Variants in RBFOX1 observed in about 807,000 individuals in gnomAD.
RBFOX1 encodes RNA binding protein fox-1 homolog 1.
RBFOX1 carries 8 observed loss-of-function variants against 57.7 expected under a neutral mutation model. The observed-to-expected ratio is 0.14, with a 90% CI of 0.08 to 0.25. The LOEUF is 0.25. Among genes scored for constraint, RBFOX1 ranks in the 10% least tolerant of loss-of-function variants. RBFOX1 has a pLI of 1.00. For synonymous variants in RBFOX1, 326 were observed against 222.4 expected, an observed-to-expected ratio of 1.47 and a Z score of -4.15; for missense variants, 611 against 548.5, an observed-to-expected ratio of 1.11 and a Z score of -1.14.
chr16:6,138,031 A>G (rs750646288), intron 1 of RBFOX1, among the ~76,000 whole-genome samples: 7 of 152,206 alleles, frequency 4.6e-5, no homozygotes, highest in Admixed American at 6.5e-5. Context: ...CAACGCTTCA[A>G]TCCTAGGTGG....
At chr16:7,436,441 G>C (rs1205291842) in intron 4 of RBFOX1, among the ~76,000 whole-genome samples, 1 of 152,218 alleles carries the variant, frequency 6.6e-6, no homozygotes, top group African/African-American at 2.4e-5. Flanking sequence ...AATTTGGACA[G>C]TGTCCATCAG....
At chr16:5,978,278 C>T (rs939776954) in intron 4 of RBFOX1, among the ~76,000 whole-genome samples, 2 of 151,798 alleles carry the variant, frequency 1.3e-5, no homozygotes, top group East Asian at 1.9e-4. Flanking sequence ...CACACCACTG[C>T]ACTCCAGCCT....
intron 4 of RBFOX1, among the ~76,000 whole-genome samples, chr16:7,406,128 C>T (rs954730358): frequency 6.6e-6 from 1 of 152,104 alleles, no homozygotes; most frequent in African/African-American, 2.4e-5. Flanking sequence ...CCCGCATTGC[C>T]CAAAACACAG....
chr16:7,572,609 G>A (rs1208195488), intron 5 of RBFOX1, among the ~76,000 whole-genome samples: 1 of 152,184 alleles, frequency 6.6e-6, no homozygotes, highest in Non-Finnish European at 1.5e-5. Flanking sequence ...GGAGGCTGAG[G>A]CGGGCGGATC....
intron 4 of RBFOX1, among the ~76,000 whole-genome samples, chr16:7,300,322 C>G (rs985996462): frequency 6.6e-6 from 1 of 152,030 alleles, no homozygotes. Flanking sequence ...GGAATGAGAT[C>G]AGCACTAACT....
At chr16:6,598,945 TAAAAACAAAAC>T (rs143283927) in intron 2 of RBFOX1, among the ~76,000 whole-genome samples, 10,438 of 126,568 alleles carry the variant, frequency 0.082, 1,215 homozygotes, top group African/African-American at 0.25. Context: ...GACTCCATGT[TAAAAACAAAAC>T]AAAACAAAAC....
At chr16:5,517,933 T>C (rs1567184194) in intron 2 of RBFOX1, among the ~76,000 whole-genome samples, 2 of 144,954 alleles carry the variant, frequency 1.4e-5, no homozygotes, top group East Asian at 4.0e-4. Context: ...AAAGCTACTG[T>C]GTGTGTGTGT....
intron 3 of RBFOX1, among the ~76,000 whole-genome samples, chr16:5,845,926 A>C (rs1203067027): frequency 1.3e-5 from 2 of 152,140 alleles, no homozygotes; most frequent in Non-Finnish European, 2.9e-5. Flanking sequence ...TAATACCTGC[A>C]CTTTGGGAGG....
chr16:5,897,528 G>A (rs1184995584), intron 4 of RBFOX1, among the ~76,000 whole-genome samples: 2 of 152,138 alleles, frequency 1.3e-5, no homozygotes, highest in Non-Finnish European at 2.9e-5. Flanking sequence ...AAGATCACAT[G>A]GGAAAATATA....
intron 4 of RBFOX1, among the ~76,000 whole-genome samples, chr16:7,157,917 T>C (rs2077478582): frequency 6.6e-6 from 1 of 152,362 alleles, no homozygotes; most frequent in Middle Eastern, 3.4e-3. Context: ...TCCGAGGAGC[T>C]GTGTTTGCTT....
chr16:5,792,471 T>A (rs887726053), intron 3 of RBFOX1, among the ~76,000 whole-genome samples: 1 of 152,222 alleles, frequency 6.6e-6, no homozygotes, highest in African/African-American at 2.4e-5. Context: ...AAACACTCAC[T>A]GAACGCAAAT....
At chr16:6,643,685 C>T (rs1362860602) in intron 2 of RBFOX1, among the ~76,000 whole-genome samples, 1 of 152,074 alleles carries the variant, frequency 6.6e-6, no homozygotes, top group African/African-American at 2.4e-5. Flanking sequence ...TTTCAATCTC[C>T]CTTATGCTTT....
chr16:7,257,483 C>A (rs1403531545), intron 4 of RBFOX1, among the ~76,000 whole-genome samples: 3 of 152,154 alleles, frequency 2.0e-5, no homozygotes, highest in African/African-American at 7.2e-5. Context: ...GGCTGTCAGC[C>A]ATACCCCCCG....
At chr16:5,982,486 G>T (rs1301544451) in intron 4 of RBFOX1, among the ~76,000 whole-genome samples, 1 of 152,050 alleles carries the variant, frequency 6.6e-6, no homozygotes, top group Non-Finnish European at 1.5e-5. Context: ...ATGTTGGTCA[G>T]GCTGGTCTTG....
At chr16:6,100,003 G>C (rs2096284727) in intron 1 of RBFOX1, among the ~76,000 whole-genome samples, 1 of 152,166 alleles carries the variant, frequency 6.6e-6, no homozygotes, top group Non-Finnish European at 1.5e-5. Flanking sequence ...GATAAAACAA[G>C]ATGCATGGAA....
chr16:6,903,791 C>G (rs913059374), intron 3 of RBFOX1, among the ~76,000 whole-genome samples: 2 of 152,130 alleles, frequency 1.3e-5, no homozygotes, highest in Admixed American at 1.3e-4. Context: ...GCTGCCGCTG[C>G]TTAGCCAGAG....
chr16:6,504,513 G>A (rs2096035238), intron 2 of RBFOX1, among the ~76,000 whole-genome samples: 1 of 152,140 alleles, frequency 6.6e-6, no homozygotes, highest in Non-Finnish European at 1.5e-5. Flanking sequence ...TTAATTAAAA[G>A]TGCAGAGGAC....
At chr16:6,794,825 A>G (rs1188963854) in intron 3 of RBFOX1, among the ~76,000 whole-genome samples, 1 of 152,160 alleles carries the variant, frequency 6.6e-6, no homozygotes, top group Non-Finnish European at 1.5e-5. Context: ...TATTTGATGC[A>G]GGCACTGCTT....
chr16:7,265,568 C>G (rs1227926185), intron 4 of RBFOX1, among the ~76,000 whole-genome samples: 2 of 152,104 alleles, frequency 1.3e-5, no homozygotes, highest in African/African-American at 2.4e-5. Context: ...CCTGCCTCAG[C>G]CTCCCGAGTA....
Sources: allele counts gnomAD v4.1 joint callset (sites outside exome capture counted in the v4.1 genomes callset), GRCh38; gene constraint gnomAD v4.1.1; transcripts MANE v1.5; gene names NCBI Gene and HGNC (gene_info 2026-07-23, HGNC 2026-07-21).